Variants in LRRC43 observed in about 807,000 individuals in gnomAD.
LRRC43 encodes the protein leucine-rich repeat-containing protein 43.
A neutral mutation model predicts 64.3 loss-of-function variants in LRRC43; 62 were observed. The observed-to-expected ratio is 0.96, with a 90% CI of 0.79 to 1.19. LRRC43 has a LOEUF of 1.19. Ranked by LOEUF, LRRC43 falls within the 50% of genes most tolerant of loss-of-function variation. The pLI, the probability that LRRC43 is intolerant of heterozygous loss-of-function variation, is 0.00. For missense variants in LRRC43, 868 were observed against 845.0 expected (o/e 1.03, Z -0.34); for synonymous variants, 422 against 382.3 (o/e 1.10, Z -1.21).
intron 4 of LRRC43, chr12:122,189,358 A>G: frequency 2.2e-6 from 1 of 452,658 alleles, no homozygotes; most frequent in Non-Finnish European, 4.4e-6. Context: ...AGGGAAGGGA[A>G]GCCCCCTCTC....
chr12:122,183,102 C>T (rs777714926), upstream of LRRC43: 12 of 1,516,118 alleles, frequency 7.9e-6, no homozygotes, highest in Non-Finnish European at 7.9e-6. Flanking sequence ...CCCCTGCCCC[C>T]GCGCACGCGT....
chr12:122,172,212 A>G, intron 1 of LRRC43: 1 of 537,688 alleles, frequency 1.9e-6, no homozygotes, highest in Non-Finnish European at 3.3e-6. Flanking sequence ...ACCAAGACTA[A>G]TAACAATAAC....
At position 122,191,575 on chromosome 12, in the gene LRRC43, C is replaced by G. The variant is rs1178921719; in HGVS notation, c.1089+8C>G. ...GCGGGCGTCCTGGCCGAGGTGTGCC[C>G]TGGTCTGTCCCTAGGAGTATGGGGG... On this transcript the variant is annotated splice_region_variant and intron_variant, in intron 6 of 11. Transcript: ENST00000339777. 1 of 1,612,588 alleles carries G rather than the reference C, an allele frequency of 6.2e-7. No individual in the cohort carries two copies. The highest frequency in any genetic ancestry group is 8.5e-7 in the Non-Finnish European group (1 of 1,179,180).
intron 1 of LRRC43, among the ~76,000 whole-genome samples, chr12:122,173,583 C>T (rs949803181): frequency 4.0e-5 from 6 of 151,842 alleles, no homozygotes; most frequent in African/African-American, 1.5e-4. Flanking sequence ...ACTCGGGAGG[C>T]TGAGGCAGGA....
intron 7 of LRRC43, among the ~76,000 whole-genome samples, chr12:122,197,918 TC>T (rs1457229147): frequency 1.3e-5 from 2 of 152,182 alleles, no homozygotes; most frequent in Admixed American, 6.5e-5. Flanking sequence ...GGTTTTTTTT[TC>T]ATGCCATTTT....
intron 1 of LRRC43, among the ~76,000 whole-genome samples, chr12:122,167,975 T>A (rs1004001758): frequency 6.6e-6 from 1 of 151,478 alleles, no homozygotes; most frequent in Non-Finnish European, 1.5e-5. Flanking sequence ...CCACCACACC[T>A]GGCTAATTTT....
rs1953817620 is a variant in LRRC43, at chr12:122,200,107, T to A, written c.1350-82T>A. ...CTTCGATGCTCGTGGTCTCCTCGGATGTCCCCTCACAGTCCTGTCCCGGGT... is the reference window on the plus strand; with the variant it reads ...CTTCGATGCTCGTGGTCTCCTCGGAAGTCCCCTCACAGTCCTGTCCCGGGT... On this transcript the variant is annotated intron_variant, in intron 7 of 11. Transcript: ENST00000339777. The surrounding 1 kb of genome is among the most constrained non-coding windows in gnomAD (Gnocchi z 4.6). 1 of 1,466,636 alleles carries A rather than the reference T, an allele frequency of 6.8e-7. No individual in the cohort carries two copies. The highest frequency in any genetic ancestry group is 1.4e-5 in the African/African-American group (1 of 71,192). 90.9% of individuals were successfully genotyped at this position (1,466,636 alleles called of 1,614,324 possible). A position where few individuals can be genotyped will look rare whatever the true frequency, so the allele number is the denominator to read the frequency against.
intron 7 of LRRC43, among the ~76,000 whole-genome samples, chr12:122,193,931 C>T (rs1396042608): frequency 1.3e-5 from 2 of 152,092 alleles, no homozygotes; most frequent in African/African-American, 4.8e-5. Flanking sequence ...GTGTGAAAAC[C>T]TTTTTTGGTT....
chr12:122,201,085 G>A, intron 10 of LRRC43, 151 bp downstream of exon 10: 1 of 1,133,980 alleles, frequency 8.8e-7, no homozygotes, highest in Non-Finnish European at 1.3e-6. Flanking sequence ...TGGGCTGCTG[G>A]TGCTGCCGCC....
rs1953866959 is a variant in LRRC43, at chr12:122,203,364, G to A, written c.1893G>A (p.Glu631=). 1.9e-6 allele frequency: 3 copies of A among 1,613,322 alleles called. No individual in the cohort carries two copies. The highest frequency in any genetic ancestry group is 2.5e-6 in the Non-Finnish European group (3 of 1,179,966). ...IPIYEGDYHP[E]PLTVEVQIQL... ...TCTACGAAGGCGATTACCACCCTGA[G>A]CCCCTGACCGTAGAGGTGCAGATCC... Residue 631 remains glutamate (E), a synonymous_variant, in exon 12 of 12, where the codon GAG becomes GAA. Coordinates refer to ENST00000339777, the MANE Select transcript of LRRC43 (RefSeq NM_001098519.2).
Position 122,174,119 on chromosome 12 carries a change from G to C in LRRC43, c.-406+6337G>C, listed in dbSNP as rs372774549. On this transcript the variant is annotated intron_variant, in intron 1 of 5. Transcript: ENST00000537729. ...CAGAATCTTCCTGGTGAGATAAGAT[G>C]ATGCCCAAGACTCCGGAAGCACCAG... is the stretch of plus-strand genomic sequence containing the variant. 2.5e-6 allele frequency: 4 copies of C among 1,613,968 alleles called. No individual in the cohort carries two copies. The African/African-American group carries it at 5.3e-5, about 22-fold the overall frequency.
At chr12:122,193,177 G>A (rs11060255) in intron 7 of LRRC43, among the ~76,000 whole-genome samples, 173 bp downstream of exon 7, 82,092 of 150,926 alleles carry the variant, frequency 0.54, 22,614 homozygotes, top group East Asian at 0.78. Context: ...TCAGGAGATC[G>A]AGACCATCCT....
upstream of LRRC43, among the ~76,000 whole-genome samples, chr12:122,182,720 A>G (rs1953593262): frequency 6.6e-6 from 1 of 152,076 alleles, no homozygotes; most frequent in Non-Finnish European, 1.5e-5. Flanking sequence ...AAAAAATTTA[A>G]AAAATGAGGT....
chr12:122,177,476 A>AGTGT (rs67103998), intron 1 of LRRC43, among the ~76,000 whole-genome samples: 5,647 of 143,482 alleles, frequency 0.039, 124 homozygotes, highest in African/African-American at 0.066. Context: ...TGAGAGAGAA[A>AGTGT]GTGTGTGTGT....
At chr12:122,174,512 AG>A (rs1953519815) in intron 1 of LRRC43, among the ~76,000 whole-genome samples, 1 of 152,330 alleles carries the variant, frequency 6.6e-6, no homozygotes, top group African/African-American at 2.4e-5. Context: ...TTTGAAGCCC[AG>A]GGTTGACAGA....
At chr12:122,190,419 C>T (rs199684502) in intron 5 of LRRC43, 51 bp downstream of exon 5, 581 of 1,459,118 alleles carry the variant, frequency 4.0e-4, no homozygotes, top group Non-Finnish European at 4.9e-4. Flanking sequence ...CCCCAGCCTG[C>T]GCCTGGCTGT....
At chr12:122,177,812 T>TTTTATTATTTA (rs142883484) in intron 1 of LRRC43, among the ~76,000 whole-genome samples, 132 of 138,492 alleles carry the variant, frequency 9.5e-4, no homozygotes, top group African/African-American at 3.3e-3. Context: ...ACCTTTGTGG[T>TTTTATTATTTA]TTTATTTATT....
In LRRC43 at chr12:122,187,743, CTG is replaced by C. The variant is rs764653926; in HGVS notation, c.570_571del (p.Ala191ProfsTer28). The C allele has an allele frequency of 6.2e-7, 1 of 1,614,070 alleles. No homozygotes were observed. Among genetic ancestry groups the C allele is most frequent in the Non-Finnish European group, 8.5e-7 (1 of 1,180,032 alleles). On this transcript the variant is annotated frameshift_variant, in exon 4 of 12. Transcript: ENST00000339777. LOFTEE classifies it high-confidence loss of function. ...YGNEISSMECLCAHPPAGLQH... is the reference protein window; with the variant it reads ...YGNEISSMECXCAHPPAGLQH... ...CAATGAGATCAGCAGCATGGAGTGT[CTG>C]TGTGCCCACCCACCCGCCGGCCTGC...
Position 122,190,120 on chromosome 12 carries a change from C to A in LRRC43, c.663-10C>A. On this transcript the variant is annotated splice_polypyrimidine_tract_variant and intron_variant, in intron 4 of 11. Transcript: ENST00000339777. ...TTCTTGACCCCCAGACGGTCCTGCTCACCTTCCAGGCCCAACCTCGTCTCC... is the reference window on the plus strand; with the variant it reads ...TTCTTGACCCCCAGACGGTCCTGCTAACCTTCCAGGCCCAACCTCGTCTCC... 6.2e-7 allele frequency: 1 copy of A among 1,611,360 alleles called. No individual in the cohort carries two copies. The highest frequency in any genetic ancestry group is 1.1e-5 in the South Asian group (1 of 90,982).
Sources: allele counts gnomAD v4.1 joint callset (sites outside exome capture counted in the v4.1 genomes callset), GRCh38; gene constraint gnomAD v4.1.1; non-coding constraint Gnocchi (gnomAD v3.1); transcripts MANE v1.5; gene names NCBI Gene and HGNC (gene_info 2026-07-23, HGNC 2026-07-21).